Variants in RBM33 observed in about 807,000 individuals in gnomAD.
RBM33 encodes the protein RNA binding motif protein 33.
A neutral mutation model predicts 132.6 loss-of-function variants in RBM33; 28 were observed. That is an observed-to-expected ratio of 0.21 (90% CI 0.16 to 0.29). RBM33 has a LOEUF of 0.29. Ranked by LOEUF, RBM33 falls within the 10% of genes least tolerant of loss-of-function variation. The pLI is 1.00. For synonymous variants in RBM33, 634 were observed against 593.0 expected (o/e 1.07, Z -1.01); for missense variants, 1,291 against 1,518.5 (o/e 0.85, Z 2.49).
chr7:155,701,148 A>C, intron 6 of RBM33: 1 of 585,700 alleles, frequency 1.7e-6, no homozygotes, highest in Non-Finnish European at 3.0e-6. Context: ...TGGATTTAAA[A>C]TGCTTGAATA....
intron 8 of RBM33, among the ~76,000 whole-genome samples, chr7:155,717,449 C>CT (rs1758214418): frequency 1.4e-5 from 2 of 138,426 alleles, no homozygotes; most frequent in Non-Finnish European, 3.0e-5. Flanking sequence ...TCAATTACCT[C>CT]TTTTAAAGAC....
chr7:155,678,117 G>A lies in RBM33; in HGVS notation c.172-491G>A, dbSNP rs917113427. On this transcript the variant is annotated intron_variant, in intron 3 of 17. Transcript: ENST00000401878. ...GAGCTGCTAACATTTATTTTCATAC[G>A]TGATCTGTACTGGAAAAACCAAAGT... 1.1e-4 allele frequency among the ~76,000 whole-genome samples: 17 copies of A among 149,502 alleles called. No homozygotes were observed. The South Asian group carries it at 1.8e-3, about 16-fold the overall frequency.
At chr7:155,671,627 T>A (rs966014775) in intron 2 of RBM33, among the ~76,000 whole-genome samples, 1 of 152,222 alleles carries the variant, frequency 6.6e-6, no homozygotes, top group African/African-American at 2.4e-5. Flanking sequence ...AATAATGGTT[T>A]TGCTGATTTC....
intron 9 of RBM33, among the ~76,000 whole-genome samples, chr7:155,721,989 G>T (rs1238254525): frequency 6.6e-6 from 1 of 152,108 alleles, no homozygotes; most frequent in Non-Finnish European, 1.5e-5. Flanking sequence ...TTTGCACTAG[G>T]ATGCATGTCC....
chr7:155,667,096 G>A (rs1057492870), intron 2 of RBM33, among the ~76,000 whole-genome samples: 1 of 152,018 alleles, frequency 6.6e-6, no homozygotes, highest in African/African-American at 2.4e-5. Flanking sequence ...TTTCTTTCCT[G>A]TACCATTTGA....
chr7:155,672,732 G>A, intron 2 of RBM33, 135 bp from the exon 3 acceptor site: 1 of 475,814 alleles, frequency 2.1e-6, no homozygotes, highest in Non-Finnish European at 3.7e-6. Context: ...GCAACACGGT[G>A]AGGCTTTGTC....
intron 9 of RBM33, among the ~76,000 whole-genome samples, chr7:155,719,054 T>C (rs1199326961): frequency 1.3e-5 from 2 of 152,224 alleles, no homozygotes; most frequent in Non-Finnish European, 2.9e-5. Flanking sequence ...TCTTCTAACA[T>C]GTTTTAGGTA....
Position 155,780,738 on chromosome 7 carries a change from G to A in RBM33, c.*5697G>A, listed in dbSNP as rs1802790713. ...CGCCTCAGCCTTGAGAACTCCACGT[G>A]GGCTGGGTGGGAAGGTGCTGACGAT... On this transcript the variant is annotated 3_prime_UTR_variant, in exon 18 of 18. Coordinates refer to ENST00000401878, the MANE Select transcript of RBM33 (RefSeq NM_053043.3). 6.6e-6 allele frequency: 1 copy of A among 152,288 alleles called. No individual in the cohort carries two copies. The highest frequency in any genetic ancestry group is 1.9e-4 in the East Asian group (1 of 5,190). 9.4% of individuals were successfully genotyped at this position (152,288 alleles called of 1,614,324 possible). A position where few individuals can be genotyped will look rare whatever the true frequency, so the allele number is the denominator to read the frequency against.
At chr7:155,727,167 C>A (rs2362380) in intron 9 of RBM33, among the ~76,000 whole-genome samples, 4 of 152,022 alleles carry the variant, frequency 2.6e-5, no homozygotes, top group Admixed American at 6.5e-5. Flanking sequence ...GTTTTTCCAT[C>A]TACCCATCAC....
intron 13 of RBM33, among the ~76,000 whole-genome samples, chr7:155,744,053 C>G (rs1801435576): frequency 6.6e-6 from 1 of 152,196 alleles, no homozygotes; most frequent in South Asian, 2.1e-4. Context: ...AGGGCTGGCA[C>G]CGGGCACTCA....
In RBM33 at chr7:155,738,088, T is replaced by C; in HGVS notation, c.1422T>C (p.His474=). ...CAGGTGAACCAAGATTCCCGAGCCA[T>C]CTTTTTCTGGAACAGCGAAGTCCCC... The part of the protein sequence containing the change: ...GVSGEPRFPS[H]LFLEQRSPPP... Residue 474 remains histidine, a synonymous_variant, in exon 11 of 18, where the codon CAT becomes CAC. Coordinates refer to ENST00000401878, the MANE Select transcript of RBM33 (RefSeq NM_053043.3). 6.2e-7 allele frequency: 1 copy of C among 1,613,584 alleles called. No individual in the cohort carries two copies. Among genetic ancestry groups the C allele is most frequent in the African/African-American group, 1.3e-5 (1 of 75,004 alleles).
intron 8 of RBM33, among the ~76,000 whole-genome samples, chr7:155,715,551 C>T (rs1282301967): frequency 2.0e-5 from 3 of 152,178 alleles, no homozygotes; most frequent in African/African-American, 4.8e-5. Flanking sequence ...AGCAACTACT[C>T]CAAGGTCAGC....
chr7:155,673,722 A>G (rs1411258241), intron 3 of RBM33, among the ~76,000 whole-genome samples: 1 of 143,272 alleles, frequency 7.0e-6, no homozygotes, highest in Non-Finnish European at 1.5e-5. Flanking sequence ...GTATATATAT[A>G]CACACACATA....
At chr7:155,677,097 GTCTGTGGTAGGC>G in intron 3 of RBM33, among the ~76,000 whole-genome samples, 1 of 152,244 alleles carries the variant, frequency 6.6e-6, no homozygotes, top group Non-Finnish European at 1.5e-5. Flanking sequence ...ACTGAGGTTT[GTCTGTGGTAGGC>G]CTGGCTCATA....
At chr7:155,668,790 A>G (rs1798867380) in intron 2 of RBM33, among the ~76,000 whole-genome samples, 1 of 152,148 alleles carries the variant, frequency 6.6e-6, no homozygotes, top group African/African-American at 2.4e-5. Flanking sequence ...GAAATCATAG[A>G]TTTAAATGTT....
intron 5 of RBM33, among the ~76,000 whole-genome samples, chr7:155,696,560 G>T (rs1799800175): frequency 6.6e-6 from 1 of 152,102 alleles, no homozygotes; most frequent in African/African-American, 2.4e-5. Context: ...GATTGAAGAA[G>T]GTCTTTTCTA....
At position 155,745,473 on chromosome 7, in the gene RBM33, G is replaced by C. The variant is rs149419607; in HGVS notation, c.2850G>C (p.Ala950=). Residue 950 remains alanine, a synonymous_variant, in exon 14 of 18, where the codon GCG becomes GCC. Transcript: ENST00000401878. This position sits in a 1 kb window ranked among gnomAD's most constrained non-coding sequence, Gnocchi z 4.1. ...CTGTCCCCCAGACTCCTCGAGTGGC[G>C]TCCATCCAGGGCCGGCCCCAGGACA... ...EPAVPQTPRV[A]SIQGRPQDTK... 3.7e-6 allele frequency: 6 copies of C among 1,613,696 alleles called. No homozygotes were observed. Among genetic ancestry groups the C allele is most frequent in the Non-Finnish European group, 5.1e-6 (6 of 1,179,830 alleles).
intron 1 of RBM33, among the ~76,000 whole-genome samples, chr7:155,656,355 C>T (rs1407468981): frequency 4.6e-5 from 6 of 129,798 alleles, no homozygotes; most frequent in Admixed American, 7.8e-5. Context: ...GTACAAGACA[C>T]GCTTGGACTT....
intron 9 of RBM33, among the ~76,000 whole-genome samples, chr7:155,729,756 A>G (rs1800901235): frequency 6.6e-6 from 1 of 151,944 alleles, no homozygotes; most frequent in South Asian, 2.1e-4. Context: ...AAAAAAAAAA[A>G]AAAAATTCTG....
Sources: allele counts gnomAD v4.1 joint callset (sites outside exome capture counted in the v4.1 genomes callset), GRCh38; gene constraint gnomAD v4.1.1; non-coding constraint Gnocchi (gnomAD v3.1); transcripts MANE v1.5; gene names NCBI Gene and HGNC (gene_info 2026-07-23, HGNC 2026-07-21).